SLAMF9: variants seen among roughly 807,000 people sequenced by gnomAD.
SLAMF9 encodes the protein CD2 family member 10.
A neutral mutation model predicts 30.4 loss-of-function variants in SLAMF9; 25 were observed. The ratio of observed to expected loss-of-function variants is 0.82; its 90% CI spans 0.60 to 1.15. The LOEUF is 1.15. Ranked by LOEUF, SLAMF9 falls within the 50% of genes most tolerant of loss-of-function variation. The pLI, the probability that SLAMF9 is intolerant of heterozygous loss-of-function variation, is 0.00. For missense variants in SLAMF9, 344 were observed against 346.1 expected (o/e 0.99, Z 0.05); for synonymous variants, 129 against 127.2 (o/e 1.01, Z -0.09).
chr1:159,970,075 GATAA>G, the SLAMF9 span, among the ~76,000 whole-genome samples: 5 of 151,956 alleles, frequency 3.3e-5, no homozygotes, highest in Non-Finnish European at 5.9e-5. Context: ...TAAATAAATA[GATAA>G]ATAAATAAAT....
chr1:159,954,563 T>C (rs1485449590), upstream of SLAMF9, among the ~76,000 whole-genome samples: 1 of 152,228 alleles, frequency 6.6e-6, no homozygotes. Flanking sequence ...CCTATGTTGC[T>C]GTGATCATTT....
At chr1:159,969,157 A>G in the SLAMF9 span, among the ~76,000 whole-genome samples, 1 of 152,148 alleles carries the variant, frequency 6.6e-6, no homozygotes, top group Non-Finnish European at 1.5e-5. Flanking sequence ...AACCACTCCA[A>G]CAACTCTCTG....
intron 3 of SLAMF9, 81 bp downstream of exon 3, chr1:159,952,181 T>G: frequency 2.0e-6 from 3 of 1,521,520 alleles, no homozygotes; most frequent in Non-Finnish European, 2.7e-6. Flanking sequence ...TGGGCTCTCT[T>G]GGGAAGAGCT....
the SLAMF9 span, chr1:159,972,781 C>T: frequency 1.5e-6 from 1 of 651,384 alleles, no homozygotes; most frequent in Non-Finnish European, 2.2e-6. Flanking sequence ...TGTACCACAT[C>T]TTCCACAGCA....
upstream of SLAMF9, among the ~76,000 whole-genome samples, chr1:159,956,122 T>C (rs943052092): frequency 6.6e-6 from 1 of 152,190 alleles, no homozygotes; most frequent in Non-Finnish European, 1.5e-5. Context: ...AATGGATGAA[T>C]GTGTAAAGAA....
At chr1:159,975,410 T>G in the SLAMF9 span, among the ~76,000 whole-genome samples, 2 of 152,038 alleles carry the variant, frequency 1.3e-5, no homozygotes, top group Non-Finnish European at 2.9e-5. Context: ...TGTTTCAAGA[T>G]GTAGCCACAT....
At position 159,953,519 on chromosome 1, in the gene SLAMF9, G is replaced by C; in HGVS notation, c.181C>G (p.Leu61Val). ...ENIIWSSHKSLATVVPGKEGH... is the reference protein window; with the variant it reads ...ENIIWSSHKSVATVVPGKEGH... ...TCTTTCCCTGGCACCACAGTGGCAA[G>C]ACTTTTGTGAGAGGACCAGATGATG... Residue 61 changes from leucine to valine, a missense_variant, in exon 2 of 4, where the codon CTT (leucine) becomes GTT (valine). Transcript: ENST00000368093. 1 of 1,614,238 alleles carries C rather than the reference G, an allele frequency of 6.2e-7. No homozygotes were observed. The highest frequency in any genetic ancestry group is 8.5e-7 in the Non-Finnish European group (1 of 1,180,038).
At chr1:159,967,417 C>G in the SLAMF9 span, among the ~76,000 whole-genome samples, 6 of 152,120 alleles carry the variant, frequency 3.9e-5, no homozygotes, top group African/African-American at 1.2e-4. Context: ...GAACCTTTGT[C>G]AAAAATCAAT....
At chr1:159,969,107 G>A in the SLAMF9 span, among the ~76,000 whole-genome samples, 10 of 152,096 alleles carry the variant, frequency 6.6e-5, no homozygotes, top group African/African-American at 2.4e-4. Flanking sequence ...TACTAGAAGA[G>A]GAAATGGGAA....
the SLAMF9 span, among the ~76,000 whole-genome samples, chr1:159,961,984 C>G: frequency 6.6e-6 from 1 of 151,696 alleles, no homozygotes; most frequent in African/African-American, 2.4e-5. Context: ...TGGTGAAACC[C>G]CCGTCTCTAC....
At chr1:159,983,495 G>A in the SLAMF9 span, 1 of 152,012 alleles carries the variant, frequency 6.6e-6, no homozygotes, top group East Asian at 1.9e-4. Flanking sequence ...ACCACTCCTT[G>A]GTTTGTTTTT....
At chr1:159,972,454 C>A in the SLAMF9 span, 1 of 152,874 alleles carries the variant, frequency 6.5e-6, no homozygotes. Context: ...TCCAAGCTCC[C>A]CTCACTCCAT....
At chr1:159,973,287 G>T in the SLAMF9 span, 59 of 688,356 alleles carry the variant, frequency 8.6e-5, 1 homozygote, top group Non-Finnish European at 1.4e-4. Context: ...CTGCTCTGGG[G>T]AGATGCAGGC....
chr1:159,979,634 C>A, the SLAMF9 span, among the ~76,000 whole-genome samples: 1 of 151,288 alleles, frequency 6.6e-6, no homozygotes, highest in African/African-American at 2.4e-5. Context: ...CCATGAATTA[C>A]CTAGAGAAAA....
chr1:159,966,727 A>T, the SLAMF9 span, among the ~76,000 whole-genome samples: 1 of 152,136 alleles, frequency 6.6e-6, no homozygotes. Context: ...GATCCTGAGC[A>T]TTTTTTAATG....
the SLAMF9 span, among the ~76,000 whole-genome samples, chr1:159,965,934 A>G: frequency 6.6e-6 from 1 of 152,348 alleles, no homozygotes; most frequent in East Asian, 1.9e-4. Context: ...TAACATATCT[A>G]TCACTTCACT....
the SLAMF9 span, among the ~76,000 whole-genome samples, chr1:159,967,703 T>C: frequency 6.6e-6 from 1 of 152,238 alleles, no homozygotes; most frequent in African/African-American, 2.4e-5. Flanking sequence ...ATATGGACAT[T>C]ATAACAGTAT....
the SLAMF9 span, among the ~76,000 whole-genome samples, chr1:159,978,073 C>T: frequency 3.9e-5 from 6 of 152,132 alleles, no homozygotes; most frequent in Non-Finnish European, 7.4e-5. Flanking sequence ...CTGCCCCACC[C>T]CACCAGGTCA....
At chr1:159,962,905 A>T in the SLAMF9 span, among the ~76,000 whole-genome samples, 1 of 152,180 alleles carries the variant, frequency 6.6e-6, no homozygotes, top group Admixed American at 6.5e-5. Flanking sequence ...AGGATAAGTT[A>T]TGGTTACCCT....
Sources: allele counts gnomAD v4.1 joint callset (sites outside exome capture counted in the v4.1 genomes callset), GRCh38; gene constraint gnomAD v4.1.1; transcripts MANE v1.5; gene names NCBI Gene and HGNC (gene_info 2026-07-23, HGNC 2026-07-21).